FGF13: variants seen among roughly 807,000 people sequenced by gnomAD.
The protein encoded by FGF13 is fibroblast growth factor 13, also known as fibroblast growth factor homologous factor 2.
Under a neutral mutation model 19.5 loss-of-function variants are expected in FGF13, and 2 were observed. The ratio of observed to expected loss-of-function variants is 0.10; its 90% CI spans 0.04 to 0.32. The LOEUF (loss-of-function observed/expected upper bound fraction) is 0.32. Ranked by LOEUF, FGF13 falls within the 10% of genes least tolerant of loss-of-function variation. The pLI, the probability that FGF13 is intolerant of heterozygous loss-of-function variation, is 1.00. For synonymous variants in FGF13, 72 were observed against 76.9 expected (o/e 0.94, Z 0.33); for missense variants, 113 against 192.7 (o/e 0.59, Z 2.45).
intron 3 of FGF13, among the ~76,000 whole-genome samples, chrX:138,761,468 C>A (rs1254114853): frequency 9.0e-6 from 1 of 111,575 alleles, no homozygotes; most frequent in Non-Finnish European, 1.9e-5. Context: ...ACTGAGGCAG[C>A]AGATAGGTAA....
At chrX:139,072,276 T>TCTACACACACACACACACACAC (rs762528325) in intron 1 of FGF13, among the ~76,000 whole-genome samples, 1 of 99,076 alleles carries the variant, frequency 1.0e-5, no homozygotes, top group African/African-American at 3.7e-5. Context: ...TCTCTCTCTC[T>TCTACACACACACACACACACAC]ACACACACAC....
In FGF13 at chrX:138,878,241, G is replaced by A. The variant is rs765909160; in HGVS notation, c.-112-13591C>T. 3.7e-5 allele frequency among the ~76,000 whole-genome samples: 4 copies of A among 107,607 alleles called. No individual in the cohort carries two copies. The East Asian group carries it at 1.2e-3, about 33-fold the overall frequency. The allele number at this position is 107,607 out of a possible 115,157, so 93.4% of individuals were successfully genotyped here. ...ATGTATACATGTGCCATGTTGGTGT[G>A]CTGCACCCATTAATTCGTCATTTAA... is the stretch of plus-strand genomic sequence containing the variant. On this transcript the variant is annotated intron_variant, in intron 1 of 2. Coordinates refer to the FGF13 transcript ENST00000421460.
chrX:139,013,448 C>T (rs1178400771), intron 1 of FGF13, among the ~76,000 whole-genome samples: 2 of 94,733 alleles, frequency 2.1e-5, no homozygotes, highest in Non-Finnish European at 4.1e-5. Context: ...AGCCCAAATG[C>T]TCATCAATCA....
At chrX:138,892,002 A>ATGTGTGTGTG (rs3077315) in intron 1 of FGF13, among the ~76,000 whole-genome samples, 15 of 90,384 alleles carry the variant, frequency 1.7e-4, no homozygotes, top group African/African-American at 5.1e-4. Flanking sequence ...ATATATACAT[A>ATGTGTGTGTG]TGTGTGTGTG....
chrX:138,968,675 G>C (rs1051425040), intron 1 of FGF13, among the ~76,000 whole-genome samples: 2 of 112,212 alleles, frequency 1.8e-5, no homozygotes, highest in Middle Eastern at 4.7e-3. Context: ...AGAAGCTATA[G>C]TGAAACTCTG....
intron 1 of FGF13, among the ~76,000 whole-genome samples, chrX:138,922,717 A>C (rs1186427549): frequency 1.8e-5 from 2 of 111,679 alleles, no homozygotes; most frequent in Non-Finnish European, 3.8e-5. Flanking sequence ...CCAAGCCCTG[A>C]TGGTTTTGCT....
At chrX:139,030,156 T>C (rs1285023860) in intron 1 of FGF13, among the ~76,000 whole-genome samples, 2 of 111,536 alleles carry the variant, frequency 1.8e-5, no homozygotes, top group Non-Finnish European at 3.8e-5. Flanking sequence ...AAATCCTCCA[T>C]ATAACTTAAG....
intron 1 of FGF13, among the ~76,000 whole-genome samples, chrX:139,142,449 T>C (rs1463847761): frequency 8.9e-6 from 1 of 112,044 alleles, no homozygotes; most frequent in African/African-American, 3.2e-5. Context: ...AAAACTTTAA[T>C]TAAGTACACG....
intron 3 of FGF13, among the ~76,000 whole-genome samples, chrX:138,758,970 C>T (rs1250064367): frequency 4.5e-5 from 5 of 111,932 alleles, no homozygotes; most frequent in Non-Finnish European, 9.4e-5. Context: ...CCAGGTTTGC[C>T]GGAACAGCAG....
At chrX:138,870,393 G>A (rs986398514) in intron 1 of FGF13, among the ~76,000 whole-genome samples, 2 of 111,777 alleles carry the variant, frequency 1.8e-5, no homozygotes, top group African/African-American at 6.5e-5. Flanking sequence ...AACATATCCC[G>A]ATTAACCCAG....
At chrX:138,805,671 T>C (rs1036004111) in intron 3 of FGF13, among the ~76,000 whole-genome samples, 13 of 112,224 alleles carry the variant, frequency 1.2e-4, no homozygotes, top group Middle Eastern at 4.6e-3. Context: ...AAAACATTTA[T>C]TTTCTTCAAA....
At chrX:138,811,604 A>AAATAATAATAATAATAAT (rs1443498968) in intron 3 of FGF13, among the ~76,000 whole-genome samples, 1 of 111,123 alleles carries the variant, frequency 9.0e-6, no homozygotes, top group Non-Finnish European at 1.9e-5. Context: ...TAATAATAAA[A>AAATAATAATAATAATAAT]AAGAATAAAA....
chrX:139,003,203 C>T (rs1315871922), intron 1 of FGF13, among the ~76,000 whole-genome samples: 1 of 110,183 alleles, frequency 9.1e-6, no homozygotes, highest in African/African-American at 3.3e-5. Flanking sequence ...TTCGTGGTCT[C>T]GCTGGCTCAG....
chrX:139,098,344 C>A (rs1007351085), intron 1 of FGF13, among the ~76,000 whole-genome samples: 1 of 111,216 alleles, frequency 9.0e-6, no homozygotes, highest in African/African-American at 3.3e-5. Flanking sequence ...ATCGAACTAC[C>A]ATTTGACCCA....
At chrX:138,707,300 G>A (rs2090001327) in intron 2 of FGF13, among the ~76,000 whole-genome samples, 1 of 110,811 alleles carries the variant, frequency 9.0e-6, no homozygotes, top group Non-Finnish European at 1.9e-5. Context: ...AAACACATGT[G>A]AACACCAGAT....
chrX:139,001,255 CCA>C (rs913487934), intron 1 of FGF13, among the ~76,000 whole-genome samples: 2 of 111,484 alleles, frequency 1.8e-5, no homozygotes, highest in Non-Finnish European at 1.9e-5. Context: ...CTAGGCAATA[CCA>C]TTCAGGACTT....
At chrX:138,671,690 G>A (rs1471247842) in intron 3 of FGF13, among the ~76,000 whole-genome samples, 3 of 110,797 alleles carry the variant, frequency 2.7e-5, no homozygotes, top group Non-Finnish European at 5.7e-5. Flanking sequence ...CAAAAATCCT[G>A]ACCGCCAAAA....
At chrX:138,910,894 G>A (rs1393626916) in intron 1 of FGF13, among the ~76,000 whole-genome samples, 1 of 111,734 alleles carries the variant, frequency 8.9e-6, no homozygotes, top group Non-Finnish European at 1.9e-5. Flanking sequence ...TATACTGTGA[G>A]GTAAGCAGGT....
chrX:138,908,979 G>A (rs1031783796), intron 1 of FGF13, among the ~76,000 whole-genome samples: 1 of 112,006 alleles, frequency 8.9e-6, no homozygotes, highest in African/African-American at 3.2e-5. Context: ...ATGGAAACAA[G>A]TATTATTATC....
Sources: gnomAD v4.1 joint callset for allele counts (sites outside exome capture counted in the v4.1 genomes callset) on GRCh38, gnomAD v4.1.1 for gene constraint, MANE v1.5 for transcripts, NCBI Gene and HGNC (gene_info 2026-07-23, HGNC 2026-07-21) for gene names.